Variants in DENND1A observed in about 807,000 individuals in gnomAD.
DENND1A encodes the protein DENN domain containing 1A.
DENND1A carries 51 observed loss-of-function variants against 113.7 expected under a neutral mutation model. The ratio of observed to expected loss-of-function variants is 0.45; its 90% CI spans 0.36 to 0.57. The LOEUF (loss-of-function observed/expected upper bound fraction) is 0.57. Ranked by LOEUF, DENND1A falls within the 20% of genes least tolerant of loss-of-function variation. The probability of loss-of-function intolerance (pLI) is 0.00; values close to 1 mark genes in which losing one functional copy is unlikely to be tolerated. For synonymous variants in DENND1A, 565 were observed against 570.8 expected (o/e 0.99, Z 0.14); for missense variants, 1,258 against 1,395.9 (o/e 0.90, Z 1.57).
At chr9:123,511,278 G>C (rs1175909321) in intron 13 of DENND1A, among the ~76,000 whole-genome samples, 1 of 152,236 alleles carries the variant, frequency 6.6e-6, no homozygotes, top group Non-Finnish European at 1.5e-5. Context: ...CAGAAGGGTG[G>C]CTTTGGGGAA....
Position 123,651,426 on chromosome 9 carries a change from TC to T in DENND1A, c.618+586del, listed in dbSNP as rs561463894. On this transcript the variant is annotated intron_variant, in intron 9 of 23. Coordinates refer to ENST00000394215, the MANE Select transcript of DENND1A (RefSeq NM_001352964.2). ...CGCACATGCGCGCACACACACACTC[TC>T]TCTCTTTCCTGGCAAAGCTGCGGTG... Among the ~76,000 whole-genome samples, 213 of 152,290 alleles carry T rather than the reference TC, an allele frequency of 1.4e-3. 1 individual carries two copies. Among genetic ancestry groups the T allele is most frequent in the African/African-American group, 4.9e-3 (203 of 41,560 alleles).
chr9:123,529,208 G>A (rs1423551166), intron 13 of DENND1A, among the ~76,000 whole-genome samples: 2 of 152,062 alleles, frequency 1.3e-5, no homozygotes, highest in African/African-American at 4.8e-5. Flanking sequence ...AAGCTGGGTG[G>A]TATGAGGACC....
intron 13 of DENND1A, among the ~76,000 whole-genome samples, chr9:123,505,992 A>C (rs868619052): frequency 6.6e-6 from 1 of 151,928 alleles, no homozygotes; most frequent in African/African-American, 2.4e-5. Flanking sequence ...TGCCCCCTTC[A>C]TGCGCCTGAG....
intron 2 of DENND1A, among the ~76,000 whole-genome samples, chr9:123,847,508 T>C (rs1309217422): frequency 5.3e-5 from 8 of 152,102 alleles, no homozygotes; most frequent in Admixed American, 5.2e-4. Flanking sequence ...CAAAATGACA[T>C]CTCCAATATG....
chr9:123,465,987 T>C (rs1247891456), intron 13 of DENND1A, among the ~76,000 whole-genome samples: 1 of 151,842 alleles, frequency 6.6e-6, no homozygotes, highest in African/African-American at 2.4e-5. Flanking sequence ...CGCCATTGTT[T>C]TTATTTCTTT....
At chr9:123,876,332 C>G (rs187021387) in intron 2 of DENND1A, among the ~76,000 whole-genome samples, 47 of 152,226 alleles carry the variant, frequency 3.1e-4, no homozygotes, top group African/African-American at 1.1e-3. Flanking sequence ...AGGGAAAATG[C>G]TGTAAAGGAC....
intron 2 of DENND1A, among the ~76,000 whole-genome samples, chr9:123,797,323 G>A (rs1453763295): frequency 6.6e-6 from 1 of 152,142 alleles, no homozygotes; most frequent in Non-Finnish European, 1.5e-5. Context: ...ATGGGAATAT[G>A]CTGCAAACAG....
At chr9:123,756,208 G>A (rs922716346) in intron 5 of DENND1A, among the ~76,000 whole-genome samples, 6 of 152,116 alleles carry the variant, frequency 3.9e-5, no homozygotes, top group South Asian at 2.1e-4. Context: ...TACCGTGCCC[G>A]GCCATAGTTG....
At chr9:123,690,379 G>A (rs2140378195) in intron 5 of DENND1A, among the ~76,000 whole-genome samples, 1 of 152,194 alleles carries the variant, frequency 6.6e-6, no homozygotes, top group South Asian at 2.1e-4. Flanking sequence ...TGCCTGTTAA[G>A]TACTGTTATT....
chr9:123,698,923 T>C (rs2065695855), intron 5 of DENND1A, among the ~76,000 whole-genome samples: 1 of 152,242 alleles, frequency 6.6e-6, no homozygotes, highest in Admixed American at 6.5e-5. Flanking sequence ...TACACAAAGA[T>C]ATCTGCCTCA....
At position 123,630,424 on chromosome 9, in the gene DENND1A, T is replaced by G. The variant is rs2061427473; in HGVS notation, c.671A>C (p.Gln224Pro). The part of the protein sequence containing the change: ...SAAMLYPMYW[Q>P]HVYIPVLPPH... Reference sequence around the variant, plus strand: ...CGGCAGCACGGGGATGTACACGTGCTGCCAGTACATGGGGTAGAGCATCGC... The same window carrying G: ...CGGCAGCACGGGGATGTACACGTGCGGCCAGTACATGGGGTAGAGCATCGC... Residue 224 changes from glutamine (Q) to proline (P), a missense_variant, in exon 10 of 24, where the codon CAG becomes CCG. Coordinates refer to ENST00000394215, the MANE Select transcript of DENND1A (RefSeq NM_001352964.2). 1 of 1,604,906 alleles carries G rather than the reference T, an allele frequency of 6.2e-7. No homozygotes were observed. The highest frequency in any genetic ancestry group is 1.3e-5 in the African/African-American group (1 of 74,800).
chr9:123,929,521 CCCCAAACATG>C (rs1857649712), intron 1 of DENND1A, among the ~76,000 whole-genome samples: 1 of 152,184 alleles, frequency 6.6e-6, no homozygotes, highest in African/African-American at 2.4e-5. Context: ...TTCAGGGGCG[CCCCAAACATG>C]CCCAAACATG....
At chr9:123,406,691 T>C (rs1253782290) in intron 20 of DENND1A, among the ~76,000 whole-genome samples, 1 of 152,194 alleles carries the variant, frequency 6.6e-6, no homozygotes, top group Non-Finnish European at 1.5e-5. Flanking sequence ...CCTGCACCCC[T>C]TCTGACTCTG....
intron 12 of DENND1A, among the ~76,000 whole-genome samples, chr9:123,581,679 C>G (rs561576694): frequency 1.3e-5 from 2 of 152,184 alleles, no homozygotes; most frequent in South Asian, 4.2e-4. Flanking sequence ...TAATAGCAAT[C>G]CTTTCAGAAC....
chr9:123,825,192 T>A (rs1839114474), intron 2 of DENND1A, among the ~76,000 whole-genome samples: 1 of 151,982 alleles, frequency 6.6e-6, no homozygotes, highest in Non-Finnish European at 1.5e-5. Flanking sequence ...TTGATACAGT[T>A]CTCTAGATTT....
At chr9:123,515,559 G>C (rs2053828424) in intron 13 of DENND1A, among the ~76,000 whole-genome samples, 1 of 152,192 alleles carries the variant, frequency 6.6e-6, no homozygotes, top group South Asian at 2.1e-4. Context: ...GTGAACATAG[G>C]TGAAGGGTAA....
chr9:123,708,178 T>G (rs552993924), intron 5 of DENND1A, among the ~76,000 whole-genome samples: 1 of 152,236 alleles, frequency 6.6e-6, no homozygotes, highest in Non-Finnish European at 1.5e-5. Context: ...GAACAACCCA[T>G]GTGGTCCACC....
At chr9:123,880,163 C>A (rs920812887) in intron 1 of DENND1A, among the ~76,000 whole-genome samples, 4 of 152,136 alleles carry the variant, frequency 2.6e-5, no homozygotes, top group African/African-American at 9.7e-5. Context: ...CAGGAACACA[C>A]CACCACGCCC....
chr9:123,767,868 CTCT>C (rs758356044), intron 4 of DENND1A, among the ~76,000 whole-genome samples: 3 of 152,148 alleles, frequency 2.0e-5, no homozygotes, highest in Non-Finnish European at 4.4e-5. Flanking sequence ...AAAATGTATT[CTCT>C]TATTTTTCTT....
Sources: gnomAD v4.1 joint callset for allele counts (sites outside exome capture counted in the v4.1 genomes callset) on GRCh38, gnomAD v4.1.1 for gene constraint, MANE v1.5 for transcripts, NCBI Gene and HGNC (gene_info 2026-07-23, HGNC 2026-07-21) for gene names.